The following FAM177A1 variants were observed in gnomAD, a reference collection of about 807,000 sequenced individuals.
The protein encoded by FAM177A1 is protein FAM177A1.
FAM177A1 carries 22 observed loss-of-function variants against 26.1 expected under a neutral mutation model. The observed-to-expected ratio is 0.84, with a 90% CI of 0.60 to 1.20. The LOEUF is 1.20. FAM177A1 is among the 50% of genes most tolerant of loss of function. The pLI, the probability that FAM177A1 is intolerant of heterozygous loss-of-function variation, is 0.00. For missense variants in FAM177A1, 296 were observed against 291.1 expected (o/e 1.02, Z -0.12); for synonymous variants, 95 against 99.3 (o/e 0.96, Z 0.26).
At chr14:35,071,493 T>G (rs1246467183) in intron 2 of FAM177A1, among the ~76,000 whole-genome samples, 1 of 152,138 alleles carries the variant, frequency 6.6e-6, no homozygotes, top group African/African-American at 2.4e-5. Context: ...TGTCCCAGTT[T>G]TGCTATTACT....
At chr14:35,066,318 T>A (rs1315755325) in intron 2 of FAM177A1, among the ~76,000 whole-genome samples, 1 of 152,056 alleles carries the variant, frequency 6.6e-6, no homozygotes, top group Non-Finnish European at 1.5e-5. Context: ...TCCTCCTATT[T>A]TGGCCTCCCA....
intron 1 of FAM177A1, among the ~76,000 whole-genome samples, chr14:35,048,176 T>G (rs1044287241): frequency 1.3e-5 from 2 of 152,254 alleles, no homozygotes; most frequent in Non-Finnish European, 2.9e-5. Flanking sequence ...TGTTGGCAAG[T>G]GCACTTACAC....
At chr14:35,075,871 A>G (rs2045386624) in intron 2 of FAM177A1, among the ~76,000 whole-genome samples, 1 of 152,250 alleles carries the variant, frequency 6.6e-6, no homozygotes, top group Non-Finnish European at 1.5e-5. Context: ...TGGCCATCAG[A>G]GAAATGCAAA....
At chr14:35,074,467 AGGTGCACGCCACC>A in intron 2 of FAM177A1, among the ~76,000 whole-genome samples, 1 of 152,074 alleles carries the variant, frequency 6.6e-6, no homozygotes, top group Non-Finnish European at 1.5e-5. Flanking sequence ...CTGGGATTAC[AGGTGCACGCCACC>A]ATGCCTGGCT....
chr14:35,062,376 C>T (rs1418797811), intron 2 of FAM177A1, among the ~76,000 whole-genome samples: 3 of 152,032 alleles, frequency 2.0e-5, no homozygotes, highest in African/African-American at 7.2e-5. Flanking sequence ...GTTGGAATTT[C>T]CCTGAGTTGT....
At position 35,080,874 on chromosome 14, in the gene FAM177A1, G is replaced by A; in HGVS notation, c.505-148G>A. 10 of 1,119,470 alleles carry A rather than the reference G, an allele frequency of 8.9e-6. 1 individual carries two copies. The highest frequency in any genetic ancestry group is 3.2e-4 in the Middle Eastern group (1 of 3,126). The allele number at this position is 1,119,470 out of a possible 1,614,324, so 69.3% of individuals were successfully genotyped here. A position where few individuals can be genotyped will look rare whatever the true frequency, so the allele number is the denominator to read the frequency against. On this transcript the variant is annotated intron_variant, in intron 4 of 4. Transcript: ENST00000280987. Reference sequence around the variant, plus strand: ...CAATTAGAGAGCAGGAGAAGGGAAAGTATGTCTTAATTAGACCAAACTGAT... The same window carrying A: ...CAATTAGAGAGCAGGAGAAGGGAAAATATGTCTTAATTAGACCAAACTGAT...
chr14:35,058,822 A>G (rs1311954470), intron 2 of FAM177A1, among the ~76,000 whole-genome samples: 2 of 152,176 alleles, frequency 1.3e-5, no homozygotes, highest in Non-Finnish European at 2.9e-5. Context: ...GCTGCAGTGA[A>G]CTGGGATCTC....
Position 35,046,417 on chromosome 14 carries a change from C to T in FAM177A1, c.-47C>T. On this transcript the variant is annotated 5_prime_UTR_variant, in exon 1 of 5. Transcript: ENST00000280987. ...GCGGGCGCTGGGCGGGTGAGTCCCACTTCCCGACAGCCTGGCTCGGCCAGC... is the reference window on the plus strand; with the variant it reads ...GCGGGCGCTGGGCGGGTGAGTCCCATTTCCCGACAGCCTGGCTCGGCCAGC... The T allele has an allele frequency of 6.8e-7, 1 of 1,480,718 alleles. No homozygotes were observed. Among genetic ancestry groups the T allele is most frequent in the Non-Finnish European group, 9.0e-7 (1 of 1,110,028 alleles). 91.7% of individuals were successfully genotyped at this position (1,480,718 alleles called of 1,614,324 possible). A position where few individuals can be genotyped will look rare whatever the true frequency, so the allele number is the denominator to read the frequency against.
upstream of FAM177A1, among the ~76,000 whole-genome samples, chr14:35,045,441 G>C (rs1453366979): frequency 6.6e-6 from 1 of 152,190 alleles, no homozygotes; most frequent in East Asian, 1.9e-4. Context: ...ATTTGGGCCT[G>C]CTGTTGCTAT....
At chr14:35,079,513 A>G (rs1447117368) in intron 4 of FAM177A1, among the ~76,000 whole-genome samples, 1 of 152,192 alleles carries the variant, frequency 6.6e-6, no homozygotes, top group East Asian at 1.9e-4. Context: ...TTGTCTTAAA[A>G]AATAAAAGCC....
chr14:35,053,757 T>A (rs151074841), intron 2 of FAM177A1, among the ~76,000 whole-genome samples: 3,607 of 152,182 alleles, frequency 0.024, 62 homozygotes, highest in Middle Eastern at 0.037. Flanking sequence ...TTTGGGAAGC[T>A]GAGGTGGGTG....
intron 2 of FAM177A1, among the ~76,000 whole-genome samples, chr14:35,071,484 G>A (rs2045320865): frequency 6.6e-6 from 1 of 152,096 alleles, no homozygotes; most frequent in African/African-American, 2.4e-5. Context: ...ACAAGATCTT[G>A]TCCCAGTTTT....
At chr14:35,075,707 A>G (rs1391159027) in intron 2 of FAM177A1, among the ~76,000 whole-genome samples, 1 of 152,240 alleles carries the variant, frequency 6.6e-6, no homozygotes, top group Admixed American at 6.5e-5. Context: ...TAATCTGACA[A>G]AGGGCTAATA....
intron 2 of FAM177A1, among the ~76,000 whole-genome samples, chr14:35,073,077 T>A (rs140256159): frequency 2.1e-3 from 314 of 152,260 alleles, no homozygotes; most frequent in African/African-American, 7.3e-3. Flanking sequence ...CTTCTTCTTC[T>A]TCTTCTTTTT....
At chr14:35,047,776 CAACAACAAAA>C (rs1396825945) in intron 1 of FAM177A1, among the ~76,000 whole-genome samples, 33 of 114,818 alleles carry the variant, frequency 2.9e-4, no homozygotes, top group South Asian at 1.1e-3. Flanking sequence ...ACAACAACAA[CAACAACAAAA>C]AAAAAACCCT....
intron 4 of FAM177A1, among the ~76,000 whole-genome samples, chr14:35,080,220 G>C (rs896001559): frequency 1.3e-5 from 2 of 152,108 alleles, no homozygotes; most frequent in African/African-American, 4.8e-5. Context: ...TCATAATACT[G>C]TTTTTACATG....
intron 2 of FAM177A1, among the ~76,000 whole-genome samples, chr14:35,075,491 A>G (rs1019467785): frequency 6.6e-6 from 1 of 152,330 alleles, no homozygotes; most frequent in South Asian, 2.1e-4. Flanking sequence ...AAAACCATAA[A>G]AACCCTAGAA....
chr14:35,050,531 C>G (rs2044949256), intron 1 of FAM177A1: 1 of 151,700 alleles, frequency 6.6e-6, no homozygotes, highest in South Asian at 2.1e-4. Context: ...AAATCTGAAG[C>G]TTTTTGAGCA....
rs527674524 is a variant in FAM177A1 at position 35,078,391 on chromosome 14, A to T, written c.407-536A>T. Among the ~76,000 whole-genome samples, 3 of 152,298 alleles carry T rather than the reference A, an allele frequency of 2.0e-5. No homozygotes were observed. In the South Asian group the frequency reaches 6.2e-4, roughly 32 times the overall value. ...TTTTGAGACAGAGTCTTGCTCTTTC[A>T]TCAAGGCTGGAGTGCAGTGGTGTGA... On this transcript the variant is annotated intron_variant, in intron 3 of 4. Transcript: ENST00000280987.
Sources: allele counts gnomAD v4.1 joint callset (sites outside exome capture counted in the v4.1 genomes callset), GRCh38; gene constraint gnomAD v4.1.1; transcripts MANE v1.5; gene names NCBI Gene and HGNC (gene_info 2026-07-23, HGNC 2026-07-21).